SLC51A: variants seen among roughly 807,000 people sequenced by gnomAD.
SLC51A encodes the protein organic solute transporter subunit alpha.
Under a neutral mutation model 34.8 loss-of-function variants are expected in SLC51A, and 22 were observed. The observed-to-expected ratio is 0.63, with a 90% CI of 0.45 to 0.90. SLC51A has a LOEUF of 0.90. Among genes scored for constraint, SLC51A ranks in the 40% least tolerant of loss-of-function variants. SLC51A has a pLI of 0.00. For missense variants in SLC51A, 371 were observed against 414.8 expected (o/e 0.89, Z 0.92); for synonymous variants, 181 against 176.3 (o/e 1.03, Z -0.21).
intron 2 of SLC51A, among the ~76,000 whole-genome samples, chr3:196,222,180 AT>A (rs1723775074): frequency 6.6e-6 from 1 of 152,210 alleles, no homozygotes; most frequent in African/African-American, 2.4e-5. Context: ...TCCTGTTTTC[AT>A]TATTTTAAAA....
At chr3:196,227,823 C>T (rs936168381) in intron 4 of SLC51A, 86 bp downstream of exon 4, 48 of 1,297,258 alleles carry the variant, frequency 3.7e-5, no homozygotes, top group Non-Finnish European at 5.0e-5. Flanking sequence ...TCCCAGCTGA[C>T]CATGTATCTG....
At chr3:196,223,521 C>T (rs908725395) in intron 2 of SLC51A, among the ~76,000 whole-genome samples, 1 of 151,600 alleles carries the variant, frequency 6.6e-6, no homozygotes, top group African/African-American at 2.4e-5. Flanking sequence ...GGGTTGGTGG[C>T]GTGTGAAAGG....
intron 7 of SLC51A, 84 bp from the exon 8 acceptor site, chr3:196,232,335 G>A (rs1210387021): frequency 1.9e-6 from 2 of 1,049,228 alleles, no homozygotes; most frequent in Non-Finnish European, 2.9e-6. Flanking sequence ...CCAGCGGAAG[G>A]GCAAGGCCCG....
At position 196,227,717 on chromosome 3, in the gene SLC51A, G is replaced by A. The variant is rs1723932247; in HGVS notation, c.342G>A (p.Leu114=). 6.2e-7 allele frequency: 1 copy of A among 1,613,530 alleles called. No homozygotes were observed. The highest frequency in any genetic ancestry group is 1.1e-5 in the South Asian group (1 of 91,052). ...FGLWIPRSLV[L]VEMTITSFYA... ...TCTGGATCCCTCGTTCCCTGGTGCT[G>A]GTGGAAATGACCATCACCTCGTGAG... Residue 114 remains leucine, a synonymous_variant, in exon 4 of 9, where the codon CTG becomes CTA. Transcript: ENST00000296327.
In SLC51A at chr3:196,233,109, G is replaced by A; in HGVS notation, c.933G>A (p.Val311=). ...LLILETFLMT[V]LTRMYYRRKD... ...TACTGGAGACTTTTCTAATGACTGT[G>A]CTGACACGAATGTACTACCGAAGGA... Residue 311 remains valine, a synonymous_variant, in exon 9 of 9, where the codon GTG becomes GTA. Transcript: ENST00000296327. The A allele has an allele frequency of 6.2e-7, 1 of 1,614,170 alleles. No individual in the cohort carries two copies. Among genetic ancestry groups the A allele is most frequent in the Non-Finnish European group, 8.5e-7 (1 of 1,180,010 alleles).
chr3:196,229,652 T>C (rs1340144170), intron 6 of SLC51A, among the ~76,000 whole-genome samples: 21 of 145,180 alleles, frequency 1.4e-4, no homozygotes, highest in Admixed American at 8.1e-4. Flanking sequence ...GCTGGGATTA[T>C]AGGCGTGAGC....
chr3:196,219,703 A>G (rs1343116049), intron 2 of SLC51A, among the ~76,000 whole-genome samples: 1 of 152,112 alleles, frequency 6.6e-6, no homozygotes, highest in Non-Finnish European at 1.5e-5. Context: ...CCCAGGGAAT[A>G]TTTGGCAGTG....
intron 2 of SLC51A, among the ~76,000 whole-genome samples, chr3:196,221,658 G>A (rs1238423086): frequency 6.6e-6 from 1 of 151,950 alleles, no homozygotes; most frequent in Non-Finnish European, 1.5e-5. Context: ...TGGCCATAGA[G>A]CTATTAGTAA....
In SLC51A at chr3:196,216,614, C is replaced by A; in HGVS notation, c.-99C>A. On this transcript the variant is annotated 5_prime_UTR_variant, in exon 1 of 9. Transcript: ENST00000296327. This position sits in a 1 kb window ranked among gnomAD's most constrained non-coding sequence, Gnocchi z 4.5. The stretch of plus-strand genomic sequence containing the variant: ...TCTGCAATTCTGCTTGCCCCCCACC[C>A]CGGCCCAGGCAAGCCACCCTGCCCC... 1 of 1,247,138 alleles carries A rather than the reference C, an allele frequency of 8.0e-7. No individual in the cohort carries two copies. Among genetic ancestry groups the A allele is most frequent in the South Asian group, 1.3e-5 (1 of 78,036 alleles). 77.3% of individuals were successfully genotyped at this position (1,247,138 alleles called of 1,614,324 possible).
chr3:196,230,637 A>T lies in SLC51A; in HGVS notation c.780+576A>T, dbSNP rs146832278. Among the ~76,000 whole-genome samples the T allele has an allele frequency of 3.3e-5, 5 of 151,806 alleles. No individual in the cohort carries two copies. In the East Asian group the frequency reaches 7.7e-4, roughly 23 times the overall value. ...GTAGCTGGGATTACAGGCATGTACC[A>T]CCACGCCCGGCTAATTTTGCATTTT... On this transcript the variant is annotated intron_variant, in intron 7 of 8. Transcript: ENST00000296327.
At chr3:196,230,679 T>C (rs2108757161) in intron 7 of SLC51A, among the ~76,000 whole-genome samples, 1 of 152,300 alleles carries the variant, frequency 6.6e-6, no homozygotes, top group Non-Finnish European at 1.5e-5. Flanking sequence ...AGACGGGGTT[T>C]CGCTATGTTG....
At chr3:196,220,802 T>C (rs1315072394) in intron 2 of SLC51A, among the ~76,000 whole-genome samples, 1 of 151,992 alleles carries the variant, frequency 6.6e-6, no homozygotes, top group African/African-American at 2.4e-5. Flanking sequence ...CAGCCAGAAA[T>C]AGGAGAAGCA....
chr3:196,227,176 T>A (rs760499482), intron 3 of SLC51A, 57 bp downstream of exon 3: 2 of 1,571,072 alleles, frequency 1.3e-6, no homozygotes, highest in African/African-American at 2.7e-5. Flanking sequence ...GAGACCAAGG[T>A]GAGAATTCCT....
chr3:196,229,855 AAGAGAGAGAG>A (rs144375332), intron 6 of SLC51A, 50 bp from the exon 7 acceptor site: 5 of 1,393,864 alleles, frequency 3.6e-6, no homozygotes, highest in Non-Finnish European at 4.8e-6. Context: ...CATCTCTTGA[AAGAGAGAGAG>A]AGAGAGAGAG....
At chr3:196,229,785 T>G in intron 6 of SLC51A, 130 bp from the exon 7 acceptor site, 1 of 1,064,094 alleles carries the variant, frequency 9.4e-7, no homozygotes, top group Admixed American at 3.0e-5. Flanking sequence ...GCCAGGAGTG[T>G]GATGCTGCAG....
At position 196,227,061 on chromosome 3, in the gene SLC51A, A is replaced by G. The variant is rs1198516427; in HGVS notation, c.230A>G (p.Lys77Arg). The G allele has an allele frequency of 1.9e-6, 3 of 1,614,148 alleles. No homozygotes were observed. Among genetic ancestry groups the G allele is most frequent in the South Asian group, 1.1e-5 (1 of 91,088 alleles). Reference sequence around the variant, plus strand: ...CTGGAGGATGCCGTCTACCTGTACAAGAACACCCTTTGCCCCATCAAGAGG... The same window carrying G: ...CTGGAGGATGCCGTCTACCTGTACAGGAACACCCTTTGCCCCATCAAGAGG... ...IFLEDAVYLY[K>R]NTLCPIKRRT... is the part of the protein sequence containing the mutation. Residue 77 changes from lysine to arginine, a missense_variant, in exon 3 of 9, where the codon AAG becomes AGG. Coordinates refer to ENST00000296327, the MANE Select transcript of SLC51A (RefSeq NM_152672.6).
Position 196,229,087 on chromosome 3 carries a change from C to T in SLC51A, c.633+167C>T, listed in dbSNP as rs570817654. ...AGGGAGAGAACCGCAATAGGCCAGG[C>T]CCCCGGGCTTTTTCATTACCGTTCC... On this transcript the variant is annotated intron_variant, in intron 6 of 8. Coordinates refer to ENST00000296327, the MANE Select transcript of SLC51A (RefSeq NM_152672.6). Among the ~76,000 whole-genome samples, 13 of 152,236 alleles carry T rather than the reference C, an allele frequency of 8.5e-5. No individual in the cohort carries two copies. In the South Asian group the frequency reaches 2.7e-3, roughly 32 times the overall value.
At chr3:196,222,140 T>C (rs1723774346) in intron 2 of SLC51A, among the ~76,000 whole-genome samples, 1 of 152,216 alleles carries the variant, frequency 6.6e-6, no homozygotes, top group African/African-American at 2.4e-5. Flanking sequence ...TTATGGGTGA[T>C]TACTCTTTTT....
At chr3:196,226,333 A>ATTTTGGTG (rs1723892923) in intron 2 of SLC51A, among the ~76,000 whole-genome samples, 1 of 151,882 alleles carries the variant, frequency 6.6e-6, no homozygotes, top group African/African-American at 2.4e-5. Flanking sequence ...CTCCCCACAA[A>ATTTTGGTG]AAAGTTCTCT....
Sources: allele counts gnomAD v4.1 joint callset (sites outside exome capture counted in the v4.1 genomes callset), GRCh38; gene constraint gnomAD v4.1.1; non-coding constraint Gnocchi (gnomAD v3.1); transcripts MANE v1.5; gene names NCBI Gene and HGNC (gene_info 2026-07-23, HGNC 2026-07-21).